RORB: variants seen among roughly 807,000 people sequenced by gnomAD.
RORB encodes the protein nuclear receptor ROR-beta.
In RORB, 6 loss-of-function variants were observed where a neutral mutation model predicts 59.1. The ratio of observed to expected loss-of-function variants is 0.10; its 90% CI spans 0.06 to 0.20. The LOEUF is 0.20. RORB is among the 10% of genes least tolerant of loss of function. The probability of loss-of-function intolerance (pLI) is 1.00; values close to 1 mark genes in which losing one functional copy is unlikely to be tolerated. For synonymous variants in RORB, 215 were observed against 204.5 expected (o/e 1.05, Z -0.44); for missense variants, 320 against 560.5 (o/e 0.57, Z 4.33).
Position 74,665,654 on chromosome 9 carries a change from G to C in RORB, c.1000+59G>C. The C allele has an allele frequency of 2.8e-6, 3 of 1,064,514 alleles. No homozygotes were observed. In the Admixed American group the frequency reaches 5.2e-5, roughly 19 times the overall value. 65.9% of individuals were successfully genotyped at this position (1,064,514 alleles called of 1,614,324 possible). A position where few individuals can be genotyped will look rare whatever the true frequency, so the allele number is the denominator to read the frequency against. ...TAGCCACCATCAGTTTCTCCACTTA[G>C]ATTGAAATTGGTAAATGAAATGCCT... On this transcript the variant is annotated intron_variant, in intron 7 of 9. Transcript: ENST00000376896.
intron 1 of RORB, among the ~76,000 whole-genome samples, chr9:74,525,413 T>C (rs1826143441): frequency 6.6e-6 from 1 of 151,998 alleles, no homozygotes; most frequent in Non-Finnish European, 1.5e-5. Context: ...TATAGTCTAG[T>C]TCATAAAGTT....
chr9:74,605,663 T>C (rs1338110412), intron 1 of RORB, among the ~76,000 whole-genome samples: 1 of 152,228 alleles, frequency 6.6e-6, no homozygotes, highest in African/African-American at 2.4e-5. Flanking sequence ...AATGTCAATA[T>C]TTAGTACTTA....
At chr9:74,573,985 C>T (rs1388171932) in intron 1 of RORB, among the ~76,000 whole-genome samples, 2 of 152,036 alleles carry the variant, frequency 1.3e-5, no homozygotes, top group Non-Finnish European at 2.9e-5. Context: ...TCTCGGAATG[C>T]GTGGGAGGCC....
At chr9:74,604,940 A>G (rs1823126320) in intron 1 of RORB, among the ~76,000 whole-genome samples, 1 of 152,214 alleles carries the variant, frequency 6.6e-6, no homozygotes, top group South Asian at 2.1e-4. Context: ...GGAAATGCAA[A>G]TGCTGCTACA....
chr9:74,540,065 C>T (rs760535030), intron 1 of RORB, among the ~76,000 whole-genome samples: 3 of 152,044 alleles, frequency 2.0e-5, no homozygotes, highest in Admixed American at 6.6e-5. Context: ...TTACAACCTT[C>T]GCACCTTTGC....
chr9:74,533,671 G>C (rs187380100), intron 1 of RORB, among the ~76,000 whole-genome samples: 260 of 152,128 alleles, frequency 1.7e-3, no homozygotes, highest in Non-Finnish European at 3.3e-3. Flanking sequence ...TCAGTCCAGA[G>C]AGACAATGCT....
intron 4 of RORB, among the ~76,000 whole-genome samples, chr9:74,659,440 C>T (rs1255395720): frequency 6.6e-6 from 1 of 152,170 alleles, no homozygotes; most frequent in Non-Finnish European, 1.5e-5. Flanking sequence ...TACAAGGGAC[C>T]ACCTCCTAGC....
intron 9 of RORB, among the ~76,000 whole-genome samples, chr9:74,672,670 T>A (rs1176260108): frequency 6.6e-6 from 1 of 152,228 alleles, no homozygotes; most frequent in Non-Finnish European, 1.5e-5. Context: ...TTCTCAATGA[T>A]TGATATTCAG....
chr9:74,648,714 GAAAAC>G lies in RORB; in HGVS notation c.637+5912_637+5916del, dbSNP rs530738018. On this transcript the variant is annotated intron_variant, in intron 4 of 9. Coordinates refer to ENST00000376896, the MANE Select transcript of RORB (RefSeq NM_006914.4). ...GCCTCTTCTCTCCGTCCATCCTCCT[GAAAAC>G]AAAACAAAACAATAAAAACAAGAAA... Among the ~76,000 whole-genome samples the G allele has an allele frequency of 1.9e-4, 29 of 152,182 alleles. No homozygotes were observed. The South Asian group carries it at 5.8e-3, about 31-fold the overall frequency.
At chr9:74,569,799 T>G (rs1822523096) in intron 1 of RORB, among the ~76,000 whole-genome samples, 1 of 152,086 alleles carries the variant, frequency 6.6e-6, no homozygotes, top group Non-Finnish European at 1.5e-5. Context: ...AATATGCATT[T>G]CTCTTTCTTT....
intron 4 of RORB, among the ~76,000 whole-genome samples, chr9:74,649,110 T>G (rs1050398065): frequency 3.3e-5 from 5 of 152,052 alleles, no homozygotes; most frequent in African/African-American, 4.8e-5. Flanking sequence ...ATTACAGGCC[T>G]GGCTAACTTT....
chr9:74,662,837 G>A (rs1230961173), intron 6 of RORB, among the ~76,000 whole-genome samples: 2 of 152,084 alleles, frequency 1.3e-5, no homozygotes, highest in Non-Finnish European at 2.9e-5. Flanking sequence ...TATTAATTGC[G>A]GAGGTTGAAA....
At chr9:74,550,770 C>A (rs1416127103) in intron 1 of RORB, among the ~76,000 whole-genome samples, 16 of 152,156 alleles carry the variant, frequency 1.1e-4, no homozygotes, top group Non-Finnish European at 1.3e-4. Context: ...ATCTGCTGGG[C>A]ATTATCTCTT....
chr9:74,654,461 T>G (rs947974721), intron 4 of RORB, among the ~76,000 whole-genome samples: 2 of 152,158 alleles, frequency 1.3e-5, no homozygotes, highest in African/African-American at 4.8e-5. Flanking sequence ...CAGGGTTCTA[T>G]AATTATTGCA....
intron 1 of RORB, among the ~76,000 whole-genome samples, chr9:74,506,346 A>G (rs1015205868): frequency 1.3e-5 from 2 of 152,072 alleles, no homozygotes; most frequent in Non-Finnish European, 2.9e-5. Flanking sequence ...TTTCTTCGGC[A>G]TATTTAAAGA....
intron 1 of RORB, among the ~76,000 whole-genome samples, chr9:74,617,330 A>C (rs991547369): frequency 2.6e-5 from 4 of 152,194 alleles, no homozygotes; most frequent in Non-Finnish European, 4.4e-5. Context: ...GAAAGATGGA[A>C]ATTTGTTAAA....
intron 1 of RORB, among the ~76,000 whole-genome samples, chr9:74,516,169 A>G (rs1343677719): frequency 6.6e-6 from 1 of 152,096 alleles, no homozygotes; most frequent in African/African-American, 2.4e-5. Flanking sequence ...GTGAAGATAG[A>G]TAATACCATC....
intron 7 of RORB, among the ~76,000 whole-genome samples, chr9:74,666,747 T>C (rs1285098739): frequency 6.6e-6 from 1 of 152,180 alleles, no homozygotes; most frequent in Non-Finnish European, 1.5e-5. Flanking sequence ...TGCCAACCTG[T>C]CCACAGTGAT....
At chr9:74,530,526 A>C (rs1826221809) in intron 1 of RORB, among the ~76,000 whole-genome samples, 1 of 152,050 alleles carries the variant, frequency 6.6e-6, no homozygotes, top group Admixed American at 6.6e-5. Context: ...GCTGACATTT[A>C]TGCTGATAAC....
Sources: allele counts gnomAD v4.1 joint callset (sites outside exome capture counted in the v4.1 genomes callset), GRCh38; gene constraint gnomAD v4.1.1; transcripts MANE v1.5; gene names NCBI Gene and HGNC (gene_info 2026-07-23, HGNC 2026-07-21).